SPOCK1: variants seen among roughly 807,000 people sequenced by gnomAD.
SPOCK1 encodes SPARC (osteonectin), cwcv and kazal like domains proteoglycan 1, also known as testican-1.
In SPOCK1, 23 loss-of-function variants were observed where a neutral mutation model predicts 55.3. That is an observed-to-expected ratio of 0.42 (90% CI 0.30 to 0.59). SPOCK1 has a LOEUF of 0.59. Ranked by LOEUF, SPOCK1 falls within the 20% of genes least tolerant of loss-of-function variation. The pLI is 0.22. For missense variants in SPOCK1, 499 were observed against 552.5 expected, an observed-to-expected ratio of 0.90 and a Z score of 0.97; for synonymous variants, 226 against 221.0, an observed-to-expected ratio of 1.02 and a Z score of -0.20.
intron 2 of SPOCK1, among the ~76,000 whole-genome samples, chr5:137,303,928 C>G (rs78225759): frequency 1.3e-5 from 2 of 152,132 alleles, no homozygotes; most frequent in Non-Finnish European, 2.9e-5. Context: ...TGCCAGGAAC[C>G]GGTTTGGAAA....
At chr5:137,133,268 G>T (rs552923879) in intron 4 of SPOCK1, among the ~76,000 whole-genome samples, 40 of 151,982 alleles carry the variant, frequency 2.6e-4, no homozygotes, top group African/African-American at 8.7e-4. Flanking sequence ...TACTCGGGAG[G>T]CTGAGGCAGA....
At chr5:137,090,454 A>T (rs1258531983) in intron 5 of SPOCK1, among the ~76,000 whole-genome samples, 1 of 152,214 alleles carries the variant, frequency 6.6e-6, no homozygotes, top group Non-Finnish European at 1.5e-5. Flanking sequence ...TAGACTGTTC[A>T]GGGAACAACC....
intron 6 of SPOCK1, among the ~76,000 whole-genome samples, chr5:137,019,112 C>G (rs1325925566): frequency 6.6e-6 from 1 of 152,152 alleles, no homozygotes; most frequent in Non-Finnish European, 1.5e-5. Flanking sequence ...GCTACTTATA[C>G]ACTGCTGGGG....
At chr5:137,034,844 G>C (rs1751849903) in intron 6 of SPOCK1, among the ~76,000 whole-genome samples, 1 of 152,240 alleles carries the variant, frequency 6.6e-6, no homozygotes, top group Admixed American at 6.5e-5. Flanking sequence ...CAGTGGCACG[G>C]ATTACAGCAG....
intron 3 of SPOCK1, among the ~76,000 whole-genome samples, chr5:137,209,089 G>T (rs1388282031): frequency 6.6e-6 from 1 of 152,120 alleles, no homozygotes; most frequent in Non-Finnish European, 1.5e-5. Context: ...AGTGTTGTAA[G>T]AATTCAAAGA....
At chr5:137,469,664 G>A (rs1753691122) in intron 2 of SPOCK1, among the ~76,000 whole-genome samples, 1 of 152,132 alleles carries the variant, frequency 6.6e-6, no homozygotes, top group East Asian at 1.9e-4. Flanking sequence ...TATTCTCATT[G>A]GATTAAAGTT....
intron 2 of SPOCK1, among the ~76,000 whole-genome samples, chr5:137,302,392 A>AC (rs1296670561): frequency 7.4e-6 from 1 of 135,164 alleles, no homozygotes; most frequent in Non-Finnish European, 1.6e-5. Context: ...ACACAGTGAA[A>AC]CCCCGTCTCT....
At chr5:137,277,468 T>G (rs2127123155) in intron 2 of SPOCK1, among the ~76,000 whole-genome samples, 1 of 152,264 alleles carries the variant, frequency 6.6e-6, no homozygotes, top group Non-Finnish European at 1.5e-5. Flanking sequence ...AACCACTACA[T>G]ACTACTGCTT....
chr5:137,140,771 T>G (rs933994833), intron 3 of SPOCK1, 77 bp from the exon 4 acceptor site: 18 of 1,008,986 alleles, frequency 1.8e-5, no homozygotes, highest in Middle Eastern at 3.1e-4. Flanking sequence ...TTTTTTTTTT[T>G]TTGTTGAGAC....
In SPOCK1 at chr5:137,372,499, C is replaced by T. The variant is rs78359433; in HGVS notation, c.187-105444G>A. Among the ~76,000 whole-genome samples the T allele has an allele frequency of 8.7e-3, 1,332 of 152,308 alleles. 8 individuals carry two copies. Among genetic ancestry groups the T allele is most frequent in the Non-Finnish European group, 0.015 (1,033 of 68,024 alleles). On this transcript the variant is annotated intron_variant, in intron 2 of 10. Transcript: ENST00000394945. ...CACCATCACTAAAACTTGCTAAAAA[C>T]GACCCCAGGGTAAGAAACAGCTAAG...
intron 2 of SPOCK1, among the ~76,000 whole-genome samples, chr5:137,288,174 A>T (rs1392826621): frequency 6.6e-6 from 1 of 152,220 alleles, no homozygotes; most frequent in African/African-American, 2.4e-5. Flanking sequence ...TTTCTCCTTC[A>T]ATGCACACAA....
In SPOCK1 at chr5:137,394,716, AAGCCAGCTCCAAG is replaced by A. The variant is rs569366876; in HGVS notation, c.186+103644_186+103656del. On this transcript the variant is annotated intron_variant, in intron 2 of 10. Transcript: ENST00000394945. ...GGAGGCAGAGACCACAAGAATGAGAAAGCCAGCTCCAAGAGCCAGCTCTTGTTTCTTCCATGGG... is the reference window on the plus strand; with the variant it reads ...GGAGGCAGAGACCACAAGAATGAGAAAGCCAGCTCTTGTTTCTTCCATGGG... Among the ~76,000 whole-genome samples the A allele has an allele frequency of 1.5e-4, 23 of 152,344 alleles. No individual in the cohort carries two copies. The South Asian group carries it at 1.9e-3, about 12-fold the overall frequency.
chr5:137,472,577 T>C (rs1415866553), intron 2 of SPOCK1, among the ~76,000 whole-genome samples: 4 of 152,212 alleles, frequency 2.6e-5, no homozygotes, highest in Non-Finnish European at 5.9e-5. Flanking sequence ...AACTAATGTA[T>C]ATGCCCTTGG....
chr5:137,453,663 AG>A (rs1219504856), intron 2 of SPOCK1, among the ~76,000 whole-genome samples: 1 of 152,204 alleles, frequency 6.6e-6, no homozygotes, highest in African/African-American at 2.4e-5. Flanking sequence ...TTTCTTAATA[AG>A]CCTATCAGCA....
At chr5:137,087,225 C>G (rs891578481) in intron 5 of SPOCK1, among the ~76,000 whole-genome samples, 1 of 152,140 alleles carries the variant, frequency 6.6e-6, no homozygotes, top group African/African-American at 2.4e-5. Context: ...TAGGTGGGCT[C>G]CCTTCCTCTC....
chr5:137,330,235 A>T (rs1212092092), intron 2 of SPOCK1, among the ~76,000 whole-genome samples: 1 of 152,096 alleles, frequency 6.6e-6, no homozygotes, highest in Non-Finnish European at 1.5e-5. Flanking sequence ...CCCCCCAGAC[A>T]CTGTGGGGAT....
intron 3 of SPOCK1, among the ~76,000 whole-genome samples, chr5:137,252,035 C>T (rs1756542661): frequency 6.6e-6 from 1 of 152,218 alleles, no homozygotes. Flanking sequence ...AAGCAATTCT[C>T]CTGCCTCAGC....
At chr5:137,296,389 G>A (rs761306879) in intron 2 of SPOCK1, among the ~76,000 whole-genome samples, 20 of 152,288 alleles carry the variant, frequency 1.3e-4, no homozygotes, top group South Asian at 2.1e-4. Context: ...ATTAAAGGAC[G>A]TCATTTCTAG....
In SPOCK1 at chr5:137,209,185, C is replaced by T. The variant is rs1324893463; in HGVS notation, c.232+57825G>A. Among the ~76,000 whole-genome samples, 5 of 152,314 alleles carry T rather than the reference C, an allele frequency of 3.3e-5. No individual in the cohort carries two copies. In the South Asian group the frequency reaches 1.0e-3, roughly 32 times the overall value. Reference sequence around the variant, plus strand: ...TCTGTATGTAGCCTCTTGAATGTGGCAGCAACAATCTTTCTCCCTTTCAAT... The same window carrying T: ...TCTGTATGTAGCCTCTTGAATGTGGTAGCAACAATCTTTCTCCCTTTCAAT... On this transcript the variant is annotated intron_variant, in intron 3 of 10. Coordinates refer to ENST00000394945, the MANE Select transcript of SPOCK1 (RefSeq NM_004598.4).
Sources: allele counts gnomAD v4.1 joint callset (sites outside exome capture counted in the v4.1 genomes callset), GRCh38; gene constraint gnomAD v4.1.1; transcripts MANE v1.5; gene names NCBI Gene and HGNC (gene_info 2026-07-23, HGNC 2026-07-21).